Variants in HSDL2 observed in about 807,000 individuals in gnomAD.
HSDL2 encodes hydroxysteroid dehydrogenase like 2.
In HSDL2, 27 loss-of-function variants were observed where a neutral mutation model predicts 46.3. That is an observed-to-expected ratio of 0.58 (90% confidence interval 0.43 to 0.80). The LOEUF (loss-of-function observed/expected upper bound fraction) is 0.80. Among genes scored for constraint, HSDL2 ranks in the 30% least tolerant of loss-of-function variants. HSDL2 has a pLI of 0.00. For synonymous variants in HSDL2, 153 were observed against 163.6 expected (o/e 0.94, Z 0.50); for missense variants, 451 against 502.7 (o/e 0.90, Z 0.98).
At chr9:112,383,984 A>G (rs1465843526) in intron 1 of HSDL2, among the ~76,000 whole-genome samples, 2 of 152,180 alleles carry the variant, frequency 1.3e-5, no homozygotes, top group Admixed American at 6.5e-5. Flanking sequence ...TACAGATGTG[A>G]GCCACTCTAC....
chr9:112,448,805 T>G (rs755586660), intron 8 of HSDL2, among the ~76,000 whole-genome samples: 4 of 152,138 alleles, frequency 2.6e-5, no homozygotes, highest in Admixed American at 1.3e-4. Context: ...TCCACCCGCC[T>G]TGGCCTCCCA....
intron 1 of HSDL2, among the ~76,000 whole-genome samples, chr9:112,392,180 A>C (rs1271939352): frequency 6.6e-6 from 1 of 152,210 alleles, no homozygotes; most frequent in Admixed American, 6.5e-5. Context: ...GAGTAGGTAC[A>C]AAGATCACAT....
chr9:112,430,096 AGAAAG>A (rs1832352744), intron 6 of HSDL2, among the ~76,000 whole-genome samples: 2 of 151,948 alleles, frequency 1.3e-5, no homozygotes, highest in African/African-American at 4.8e-5. Flanking sequence ...AAAAAAAAAA[AGAAAG>A]AAAAGAGATG....
intron 2 of HSDL2, 152 bp downstream of exon 2, chr9:112,404,310 G>A: frequency 1.4e-6 from 1 of 704,658 alleles, no homozygotes; most frequent in Non-Finnish European, 2.2e-6. Context: ...CCTTGGGGCA[G>A]TGCTTCTGAC....
chr9:112,447,271 AAAT>A (rs1304044111), intron 8 of HSDL2, among the ~76,000 whole-genome samples: 1 of 152,060 alleles, frequency 6.6e-6, no homozygotes, highest in Admixed American at 6.6e-5. Context: ...TGCACCTTTA[AAAT>A]CTATCACAGG....
chr9:112,425,266 A>G (rs954765201), intron 6 of HSDL2, among the ~76,000 whole-genome samples: 4 of 152,302 alleles, frequency 2.6e-5, no homozygotes, highest in South Asian at 2.1e-4. Context: ...TAATGTTCCT[A>G]TCTACTAAGT....
chr9:112,391,215 C>G (rs1831337124), intron 1 of HSDL2, among the ~76,000 whole-genome samples: 2 of 147,010 alleles, frequency 1.4e-5, no homozygotes, highest in African/African-American at 2.5e-5. Context: ...TCTATAATCC[C>G]AGTGCTTTGG....
chr9:112,385,249 A>G (rs1299716012), intron 1 of HSDL2, among the ~76,000 whole-genome samples: 1 of 152,234 alleles, frequency 6.6e-6, no homozygotes, highest in Non-Finnish European at 1.5e-5. Context: ...AAGTACAAAA[A>G]TGATAGGCCA....
At chr9:112,447,843 C>A (rs1286545253) in intron 8 of HSDL2, among the ~76,000 whole-genome samples, 1 of 151,932 alleles carries the variant, frequency 6.6e-6, no homozygotes, top group East Asian at 1.9e-4. Flanking sequence ...CTTTCTGGAA[C>A]AAGCCAAGTT....
chr9:112,428,431 G>C (rs16916973), intron 6 of HSDL2, among the ~76,000 whole-genome samples: 2 of 152,004 alleles, frequency 1.3e-5, no homozygotes, highest in African/African-American at 4.8e-5. Flanking sequence ...TTTGCAGTGG[G>C]GAAAAAGATG....
rs764465146 is a variant in HSDL2, at chr9:112,438,491, A to T, written c.659A>T (p.Lys220Ile). ...CCTGGTATCGAAAGCCAGTGTAGAA[A>T]AGTTGATATCATTGCAGATGCAGCA... ...GGPGIESQCR[K>I]VDIIADAAYS... The change falls in exon 7 of 11, where the codon AAA becomes ATA. Residue 220 changes from lysine (K) to isoleucine (I), a missense_variant. Lys to Ile is a moderately radical substitution (Grantham distance 102). Coordinates refer to ENST00000398805, the MANE Select transcript of HSDL2 (RefSeq NM_032303.5). 2 of 1,611,976 alleles carry T rather than the reference A, an allele frequency of 1.2e-6. No homozygotes were observed. The highest frequency in any genetic ancestry group is 2.2e-5 in the South Asian group (2 of 90,312).
At chr9:112,455,895 G>A (rs1260499949) in intron 9 of HSDL2, among the ~76,000 whole-genome samples, 1 of 151,972 alleles carries the variant, frequency 6.6e-6, no homozygotes, top group Non-Finnish European at 1.5e-5. Flanking sequence ...TAGTAGAATG[G>A]AGCTCAGCTC....
Position 112,454,140 on chromosome 9 carries a change from AATCT to A in HSDL2, c.998_1001del (p.Tyr333CysfsTer16). 1.2e-6 allele frequency: 2 copies of A among 1,613,778 alleles called. No individual in the cohort carries two copies. Among genetic ancestry groups the A allele is most frequent in the South Asian group, 1.1e-5 (1 of 91,024 alleles). ...ATGATGTTGTTAAAGCCACTCAAGC[AATCT>A]ATCTGTTTGAACTCTCCGGTAAGGA... On this transcript the variant is annotated frameshift_variant, in exon 9 of 11. Transcript: ENST00000398805. LOFTEE classifies it high-confidence loss of function.
intron 3 of HSDL2, among the ~76,000 whole-genome samples, chr9:112,407,774 A>G (rs1831763820): frequency 1.3e-5 from 2 of 152,218 alleles, no homozygotes. Context: ...CATAAAATTT[A>G]CCATCCTATT....
chr9:112,419,427 C>T (rs1008085535), intron 6 of HSDL2, among the ~76,000 whole-genome samples: 1 of 152,146 alleles, frequency 6.6e-6, no homozygotes, highest in African/African-American at 2.4e-5. Context: ...ACATAAGATC[C>T]TTTTCAATCA....
chr9:112,429,547 A>G (rs963416547), intron 6 of HSDL2, among the ~76,000 whole-genome samples: 1 of 152,226 alleles, frequency 6.6e-6, no homozygotes, highest in Non-Finnish European at 1.5e-5. Flanking sequence ...TACAATAAAC[A>G]TTCATCGGAC....
At chr9:112,459,980 A>T (rs951949341) in intron 10 of HSDL2, among the ~76,000 whole-genome samples, 4 of 152,206 alleles carry the variant, frequency 2.6e-5, no homozygotes, top group Non-Finnish European at 5.9e-5. Flanking sequence ...CAGCTGTTTC[A>T]ATAGGAAACA....
intron 6 of HSDL2, among the ~76,000 whole-genome samples, chr9:112,432,054 GTAT>G (rs1474694931): frequency 6.6e-6 from 1 of 151,760 alleles, no homozygotes; most frequent in East Asian, 1.9e-4. Context: ...TAATTTTTTT[GTAT>G]TATTAGTAGT....
chr9:112,390,736 A>C lies in HSDL2; in HGVS notation c.17+10556A>C, dbSNP rs568470521. ...CCAAAGTACTGGGATTATAGGTCTG[A>C]GCTACCACACCTGGCCTCAAGACCA... On this transcript the variant is annotated intron_variant, in intron 1 of 10. Transcript: ENST00000398805. Among the ~76,000 whole-genome samples the C allele has an allele frequency of 1.7e-3, 261 of 152,244 alleles. 1 individual carries two copies. The highest frequency in any genetic ancestry group is 6.2e-3 in the African/African-American group (256 of 41,536).
Sources: gnomAD v4.1 joint callset for allele counts (sites outside exome capture counted in the v4.1 genomes callset) on GRCh38, gnomAD v4.1.1 for gene constraint, MANE v1.5 for transcripts, NCBI Gene and HGNC (gene_info 2026-07-23, HGNC 2026-07-21) for gene names.